TNPO3: variants seen among roughly 807,000 people sequenced by gnomAD.
The protein encoded by TNPO3 is transportin-3.
A neutral mutation model predicts 122.8 loss-of-function variants in TNPO3; 65 were observed. That is an observed-to-expected ratio of 0.53 (90% confidence interval 0.43 to 0.65). The LOEUF is 0.65. Among genes scored for constraint, TNPO3 ranks in the 30% least tolerant of loss-of-function variants. The probability of loss-of-function intolerance (pLI) is 0.00; values close to 1 mark genes in which losing one functional copy is unlikely to be tolerated. For synonymous variants in TNPO3, 372 were observed against 411.2 expected, an observed-to-expected ratio of 0.90 and a Z score of 1.15; for missense variants, 850 against 1,136.7, an observed-to-expected ratio of 0.75 and a Z score of 3.63.
rs141449280 is a variant in TNPO3 at position 128,978,795 on chromosome 7, C to T, written c.2061+188G>A. Among the ~76,000 whole-genome samples the T allele has an allele frequency of 5.4e-3, 816 of 152,174 alleles. 7 individuals are homozygous for T. The highest frequency in any genetic ancestry group is 0.019 in the African/African-American group (787 of 41,512). On this transcript the variant is annotated intron_variant, in intron 16 of 22. Coordinates refer to ENST00000265388, the MANE Select transcript of TNPO3 (RefSeq NM_012470.4). ...TATAGGTGCCCGCCACCATGCCTGG[C>T]TAATTTTTGTATTTTTAGTAGAGAC...
chr7:128,991,854 T>C (rs1585339069), intron 10 of TNPO3, 145 bp downstream of exon 10: 1 of 441,396 alleles, frequency 2.3e-6, no homozygotes, highest in Non-Finnish European at 4.0e-6. Flanking sequence ...GACTAGACTC[T>C]AGAAGTCAGA....
chr7:129,004,023 T>C (rs185410711), intron 5 of TNPO3, among the ~76,000 whole-genome samples: 179 of 152,300 alleles, frequency 1.2e-3, no homozygotes, highest in African/African-American at 3.9e-3. Context: ...ATATTATCAT[T>C]ATTGAGGAAA....
intron 1 of TNPO3, among the ~76,000 whole-genome samples, chr7:129,022,333 T>A (rs1039456705): frequency 6.6e-6 from 1 of 152,024 alleles, no homozygotes; most frequent in Admixed American, 6.6e-5. Context: ...TATAGTGCAC[T>A]ATGATCCTGC....
chr7:128,991,376 A>T (rs1278319345), intron 10 of TNPO3, among the ~76,000 whole-genome samples: 1 of 152,208 alleles, frequency 6.6e-6, no homozygotes, highest in Non-Finnish European at 1.5e-5. Context: ...ATCAGGTCAC[A>T]ATTCAGCGTG....
At chr7:129,008,995 T>C (rs917485333) in intron 4 of TNPO3, among the ~76,000 whole-genome samples, 1 of 152,194 alleles carries the variant, frequency 6.6e-6, no homozygotes, top group Non-Finnish European at 1.5e-5. Flanking sequence ...CAAACATACA[T>C]TCTAAAACAT....
chr7:129,015,024 A>C lies in TNPO3; in HGVS notation c.507T>G (p.Ile169Met). 6.2e-7 allele frequency: 1 copy of C among 1,612,660 alleles called. No homozygotes were observed. The highest frequency in any genetic ancestry group is 8.5e-7 in the Non-Finnish European group (1 of 1,179,804). Residue 169 changes from isoleucine to methionine, a missense_variant, in exon 4 of 23, where the codon ATT becomes ATG. Transcript: ENST00000265388. ...TAGAGTAGAAGGCCAAATCTTCTAT[A>C]ATTTCTGTGCGCCGATTAGCTCCAA... ...LRIGANRRTE[I>M]IEDLAFYSST...
chr7:129,028,597 G>A (rs1805541832), intron 1 of TNPO3, among the ~76,000 whole-genome samples: 1 of 152,204 alleles, frequency 6.6e-6, no homozygotes, highest in Non-Finnish European at 1.5e-5. Flanking sequence ...CACAGTCACT[G>A]GCCGCCCCTC....
At position 129,015,021 on chromosome 7, in the gene TNPO3, T is replaced by C. The variant is rs1049038103; in HGVS notation, c.510A>G (p.Ile170Met). The C allele has an allele frequency of 6.2e-7, 1 of 1,612,558 alleles. No homozygotes were observed. The highest frequency in any genetic ancestry group is 8.5e-7 in the Non-Finnish European group (1 of 1,179,784). The change falls in exon 4 of 23, where the codon ATA (isoleucine) becomes ATG (methionine). Residue 170 changes from isoleucine (I) to methionine (M), a missense_variant. Transcript: ENST00000265388. The stretch of plus-strand genomic sequence containing the variant: ...TACTAGAGTAGAAGGCCAAATCTTC[T>C]ATAATTTCTGTGCGCCGATTAGCTC... ...RIGANRRTEI[I>M]EDLAFYSSTV...
chr7:129,015,211 G>GT, intron 3 of TNPO3, 76 bp from the exon 4 acceptor site: 1 of 1,487,804 alleles, frequency 6.7e-7, no homozygotes, highest in Non-Finnish European at 9.1e-7. Flanking sequence ...AGCCATCAGA[G>GT]TAACTCACAA....
chr7:128,996,133 CA>C (rs1335297791), intron 8 of TNPO3, among the ~76,000 whole-genome samples: 2 of 152,174 alleles, frequency 1.3e-5, no homozygotes, highest in African/African-American at 4.8e-5. Flanking sequence ...AAGAGAACAG[CA>C]CGTGGGATTT....
At chr7:129,001,309 C>CTAGG in intron 5 of TNPO3, 75 bp from the exon 6 acceptor site, 1 of 1,236,102 alleles carries the variant, frequency 8.1e-7, no homozygotes, top group Non-Finnish European at 1.1e-6. Context: ...CCTGCACACC[C>CTAGG]TAGGGTTCAA....
At chr7:129,002,658 C>T (rs917332854) in intron 5 of TNPO3, among the ~76,000 whole-genome samples, 15 of 152,142 alleles carry the variant, frequency 9.9e-5, no homozygotes, top group African/African-American at 2.9e-4. Context: ...GTGGCTCACA[C>T]CTGTAATCCC....
chr7:129,000,465 C>T lies in TNPO3; in HGVS notation c.975G>A (p.Glu325=). 1 of 1,614,120 alleles carries T rather than the reference C, an allele frequency of 6.2e-7. No individual in the cohort carries two copies. The highest frequency in any genetic ancestry group is 8.5e-7 in the Non-Finnish European group (1 of 1,179,994). Residue 325 remains glutamate (E), a synonymous_variant, in exon 7 of 23, where the codon GAG becomes GAA. Transcript: ENST00000265388. Reference sequence around the variant, plus strand: ...GATGGCCTGCACAGATAAGCAGCAGCTCCAGAGTTCGAAGGTCCCCAAGAC... The same window carrying T: ...GATGGCCTGCACAGATAAGCAGCAGTTCCAGAGTTCGAAGGTCCCCAAGAC... The part of the protein sequence containing the change: ...GQGLGDLRTL[E]LLLICAGHPQ...
chr7:129,046,392 T>C (rs1808062795), intron 1 of TNPO3, among the ~76,000 whole-genome samples: 1 of 152,172 alleles, frequency 6.6e-6, no homozygotes, highest in South Asian at 2.1e-4. Context: ...ATTCCTAGAC[T>C]GAACTCATCT....
At chr7:129,000,606 T>G (rs368981099) in intron 6 of TNPO3, 39 bp from the exon 7 acceptor site, 2 of 1,592,896 alleles carry the variant, frequency 1.3e-6, no homozygotes, top group African/African-American at 2.7e-5. Flanking sequence ...GAGTCAGAAA[T>G]CTGGATATTA....
intron 4 of TNPO3, among the ~76,000 whole-genome samples, chr7:129,011,469 G>A (rs984924130): frequency 1.3e-5 from 2 of 152,006 alleles, no homozygotes; most frequent in African/African-American, 2.4e-5. Context: ...TTGGCCTCCC[G>A]AGTAGCTGGG....
chr7:129,033,964 A>G (rs117731401), intron 1 of TNPO3, among the ~76,000 whole-genome samples: 3,251 of 152,100 alleles, frequency 0.021, 53 homozygotes, highest in Non-Finnish European at 0.031. Context: ...CCCGTGTTCA[A>G]CTGCAGCCAA....
chr7:128,991,373 C>A (rs1212843425), intron 10 of TNPO3, among the ~76,000 whole-genome samples: 4 of 152,156 alleles, frequency 2.6e-5, no homozygotes, highest in Non-Finnish European at 5.9e-5. Flanking sequence ...GGTATCAGGT[C>A]ACAATTCAGC....
chr7:129,003,039 C>CAAAAAAA (rs56226072), intron 5 of TNPO3, among the ~76,000 whole-genome samples: 64 of 53,272 alleles, frequency 1.2e-3, no homozygotes, highest in Non-Finnish European at 1.6e-3. Context: ...GACTCCCTCT[C>CAAAAAAA]AAAAAAAAAA....
Sources: allele counts gnomAD v4.1 joint callset (sites outside exome capture counted in the v4.1 genomes callset), GRCh38; gene constraint gnomAD v4.1.1; transcripts MANE v1.5; gene names NCBI Gene and HGNC (gene_info 2026-07-23, HGNC 2026-07-21).